Variants in PDE3B observed in about 807,000 individuals in gnomAD.
The protein encoded by PDE3B is cGMP-inhibited 3',5'-cyclic phosphodiesterase 3B.
PDE3B carries 66 observed loss-of-function variants against 116.8 expected under a neutral mutation model. That is an observed-to-expected ratio of 0.56 (90% CI 0.46 to 0.69). The LOEUF (loss-of-function observed/expected upper bound fraction) is 0.69. Ranked by LOEUF, PDE3B falls within the 30% of genes least tolerant of loss-of-function variation. The pLI, the probability that PDE3B is intolerant of heterozygous loss-of-function variation, is 0.00. For missense variants in PDE3B, 1,384 were observed against 1,368.1 expected, an observed-to-expected ratio of 1.01 and a Z score of -0.18; for synonymous variants, 595 against 533.6, an observed-to-expected ratio of 1.12 and a Z score of -1.59.
intron 1 of PDE3B, among the ~76,000 whole-genome samples, chr11:14,693,654 C>CA (rs1027569123): frequency 6.6e-6 from 1 of 152,014 alleles, no homozygotes. Context: ...ATCTACTGCT[C>CA]AAAAAAATAT....
chr11:14,667,278 C>T (rs1280702041), intron 1 of PDE3B, among the ~76,000 whole-genome samples: 1 of 138,136 alleles, frequency 7.2e-6, no homozygotes, highest in Admixed American at 7.4e-5. Context: ...ACTCTGGGGA[C>T]TGTTGTGGGG....
At chr11:14,726,129 C>T (rs1225756123) in intron 1 of PDE3B, among the ~76,000 whole-genome samples, 1 of 152,232 alleles carries the variant, frequency 6.6e-6, no homozygotes, top group Non-Finnish European at 1.5e-5. Context: ...CTTGCTCCCT[C>T]ACTTCATACC....
intron 1 of PDE3B, among the ~76,000 whole-genome samples, chr11:14,688,149 C>A (rs902736527): frequency 7.7e-6 from 1 of 130,170 alleles, no homozygotes; most frequent in Non-Finnish European, 1.7e-5. Context: ...CTCTCCCTCC[C>A]TCCCTCCATC....
At chr11:14,707,872 A>G (rs1770247261) in intron 1 of PDE3B, among the ~76,000 whole-genome samples, 1 of 152,092 alleles carries the variant, frequency 6.6e-6, no homozygotes, top group African/African-American at 2.4e-5. Context: ...GATACCTTAT[A>G]GTAACATACA....
At chr11:14,679,111 G>A (rs1039026641) in intron 1 of PDE3B, among the ~76,000 whole-genome samples, 1 of 151,956 alleles carries the variant, frequency 6.6e-6, no homozygotes, top group Non-Finnish European at 1.5e-5. Flanking sequence ...ATTGATCAAT[G>A]TGTCATTCCC....
At chr11:14,864,219 T>C (rs1475192028) in intron 14 of PDE3B, among the ~76,000 whole-genome samples, 1 of 152,124 alleles carries the variant, frequency 6.6e-6, no homozygotes, top group Non-Finnish European at 1.5e-5. Context: ...GGGCATTAAA[T>C]AATGGTAAAG....
At chr11:14,782,604 T>C (rs1229569955) in intron 2 of PDE3B, among the ~76,000 whole-genome samples, 2 of 152,148 alleles carry the variant, frequency 1.3e-5, no homozygotes, top group African/African-American at 4.8e-5. Flanking sequence ...TATACAAAAA[T>C]TAATTCAAGA....
At chr11:14,674,041 C>A in intron 1 of PDE3B, 1 of 1,503,436 alleles carries the variant, frequency 6.7e-7, no homozygotes, top group Non-Finnish European at 9.3e-7. Flanking sequence ...AATTAAGTCC[C>A]AGTCATCAAC....
At chr11:14,806,858 CAAAAAAAAAAAAAAAA>C (rs953411145) in intron 5 of PDE3B, among the ~76,000 whole-genome samples, 12 of 45,930 alleles carry the variant, frequency 2.6e-4, no homozygotes, top group Non-Finnish European at 4.4e-4. Flanking sequence ...GACTCCGTCT[CAAAAAAAAAAAAAAAA>C]AAAAAAGAAA....
intron 4 of PDE3B, among the ~76,000 whole-genome samples, chr11:14,791,949 T>G (rs897494886): frequency 1.1e-4 from 16 of 152,200 alleles, no homozygotes; most frequent in Non-Finnish European, 2.2e-4. Flanking sequence ...TTATACTCTA[T>G]TTTTTACTTG....
Position 14,645,047 on chromosome 11 carries a change from A to C in PDE3B, c.972A>C (p.Arg324Ser). 1 of 1,602,526 alleles carries C rather than the reference A, an allele frequency of 6.2e-7. No homozygotes were observed. Among genetic ancestry groups the C allele is most frequent in the Non-Finnish European group, 8.5e-7 (1 of 1,173,478 alleles). ...GACCGTCGTTGCCTTGTATTTCCAG[A>C]GAACAGGTATGTTAGCTGGAAGGCG... ...FRRPSLPCIS[R>S]EQMILWDWDL... The change falls in exon 1 of 16, where the codon AGA (arginine) becomes AGC (serine). Residue 324 changes from arginine (R) to serine (S), a missense_variant. Arg to Ser is a moderately radical substitution (Grantham distance 110). Transcript: ENST00000282096.
intron 1 of PDE3B, among the ~76,000 whole-genome samples, chr11:14,668,271 A>G (rs1284251861): frequency 6.6e-6 from 1 of 152,162 alleles, no homozygotes. Flanking sequence ...ATGTGGGCCT[A>G]CATTTTTTTG....
At chr11:14,685,446 C>CTTTTTTTTTTTTTTTT (rs71044017) in intron 1 of PDE3B, among the ~76,000 whole-genome samples, 4 of 86,334 alleles carry the variant, frequency 4.6e-5, no homozygotes, top group African/African-American at 1.4e-4. Context: ...TTTTTCTCAT[C>CTTTTTTTTTTTTTTTT]TTTTTTTTTT....
At chr11:14,857,086 C>T (rs1344219383) in intron 12 of PDE3B, among the ~76,000 whole-genome samples, 1 of 152,288 alleles carries the variant, frequency 6.6e-6, no homozygotes, top group Admixed American at 6.5e-5. Flanking sequence ...AACCCCTTCT[C>T]AGATCTTTCC....
intron 5 of PDE3B, among the ~76,000 whole-genome samples, chr11:14,809,030 C>T (rs1443365986): frequency 1.3e-5 from 2 of 152,168 alleles, no homozygotes; most frequent in Non-Finnish European, 2.9e-5. Context: ...ACGCAAGAGT[C>T]CCAGAATAGC....
At chr11:14,823,136 C>T (rs935032999) in intron 7 of PDE3B, among the ~76,000 whole-genome samples, 13 of 152,096 alleles carry the variant, frequency 8.5e-5, no homozygotes, top group African/African-American at 2.7e-4. Context: ...AGGGACAGGC[C>T]GCCATCTTTG....
At chr11:14,648,762 A>AT (rs1325483339) in intron 1 of PDE3B, among the ~76,000 whole-genome samples, 1 of 151,710 alleles carries the variant, frequency 6.6e-6, no homozygotes, top group Non-Finnish European at 1.5e-5. Flanking sequence ...TTTTTGTTTT[A>AT]TTTTTTTAAA....
the PDE3B span, among the ~76,000 whole-genome samples, chr11:14,895,296 T>C: frequency 6.6e-6 from 1 of 152,168 alleles, no homozygotes; most frequent in South Asian, 2.1e-4. Flanking sequence ...CCAAAGGAAG[T>C]GCCAAGCTGA....
intron 4 of PDE3B, among the ~76,000 whole-genome samples, chr11:14,798,656 C>T (rs369012869): frequency 8.3e-4 from 126 of 152,280 alleles, no homozygotes; most frequent in African/African-American, 2.8e-3. Flanking sequence ...CTGGTTTAGA[C>T]TTGGGAGGGT....
Sources: gnomAD v4.1 joint callset for allele counts (sites outside exome capture counted in the v4.1 genomes callset) on GRCh38, gnomAD v4.1.1 for gene constraint, MANE v1.5 for transcripts, NCBI Gene and HGNC (gene_info 2026-07-23, HGNC 2026-07-21) for gene names.